DHX57: variants seen among roughly 807,000 people sequenced by gnomAD.
The protein encoded by DHX57 is DExH-box helicase 57.
A neutral mutation model predicts 156.2 loss-of-function variants in DHX57; 105 were observed. The observed-to-expected ratio is 0.67, with a 90% CI of 0.57 to 0.79. The LOEUF is 0.79. Ranked by LOEUF, DHX57 falls within the 30% of genes least tolerant of loss-of-function variation. The pLI is 0.00. For synonymous variants in DHX57, 704 were observed against 595.6 expected, an observed-to-expected ratio of 1.18 and a Z score of -2.65; for missense variants, 1,847 against 1,661.9, an observed-to-expected ratio of 1.11 and a Z score of -1.94.
At chr2:38,819,303 T>C (rs747426145) in intron 17 of DHX57, among the ~76,000 whole-genome samples, 159 bp from the exon 18 acceptor site, 1 of 152,158 alleles carries the variant, frequency 6.6e-6, no homozygotes, top group Non-Finnish European at 1.5e-5. Flanking sequence ...GCCTCCCTGG[T>C]AGCTGGGACT....
intron 7 of DHX57, among the ~76,000 whole-genome samples, chr2:38,855,585 T>G (rs554599907): frequency 3.9e-5 from 6 of 152,166 alleles, no homozygotes; most frequent in Non-Finnish European, 7.3e-5. Flanking sequence ...CTTATGATTA[T>G]CAAAATATTT....
rs78657032 is a variant in DHX57 at position 38,860,473 on chromosome 2, T to C, written c.1411+526A>G. ...TTAAAAAAATAAAAATAAAAAGAATTTGCACAGTAAACCTAGATCTAGACA... is the reference window on the plus strand; with the variant it reads ...TTAAAAAAATAAAAATAAAAAGAATCTGCACAGTAAACCTAGATCTAGACA... On this transcript the variant is annotated intron_variant, in intron 5 of 23. Coordinates refer to ENST00000457308, the MANE Select transcript of DHX57 (RefSeq NM_198963.3). Among the ~76,000 whole-genome samples the C allele has an allele frequency of 3.0e-3, 461 of 151,808 alleles. 4 individuals carry two copies. The highest frequency in any genetic ancestry group is 0.01 in the Middle Eastern group (3 of 292).
chr2:38,836,303 C>G (rs186554350), intron 13 of DHX57, among the ~76,000 whole-genome samples: 7 of 152,120 alleles, frequency 4.6e-5, no homozygotes, highest in Non-Finnish European at 7.4e-5. Context: ...CTCTGCCACC[C>G]GAGACAGCAA....
chr2:38,825,541 G>A (rs1671044765), intron 16 of DHX57, among the ~76,000 whole-genome samples: 1 of 152,118 alleles, frequency 6.6e-6, no homozygotes, highest in Admixed American at 6.6e-5. Flanking sequence ...GACCTCAGGT[G>A]ATCCACCTGC....
At chr2:38,857,216 C>T (rs1372654212) in intron 6 of DHX57, 1 of 153,238 alleles carries the variant, frequency 6.5e-6, no homozygotes, top group East Asian at 1.9e-4. Context: ...AACAGCCAAA[C>T]ATGGGTAGGG....
At chr2:38,829,715 G>C (rs1433848287) in intron 13 of DHX57, among the ~76,000 whole-genome samples, 1 of 152,080 alleles carries the variant, frequency 6.6e-6, no homozygotes, top group Admixed American at 6.6e-5. Flanking sequence ...CACCACACCT[G>C]ACCTTGACAT....
In DHX57 at chr2:38,807,945, C is replaced by CTTTT. The variant is rs34221239; in HGVS notation, c.3682-1256_3682-1253dup. On this transcript the variant is annotated intron_variant, in intron 21 of 23. Transcript: ENST00000457308. ...ACAGGCGTGAGCCACTGTGTCTTGC[C>CTTTT]TTTTTTTTTTTTTTTTTTTTTTTTT... Among the ~76,000 whole-genome samples the CTTTT allele has an allele frequency of 1.8e-4, 10 of 54,254 alleles. 3 individuals carry two copies. The highest frequency in any genetic ancestry group is 8.5e-4 in the East Asian group (1 of 1,178). 35.6% of individuals were successfully genotyped at this position (54,254 alleles called of 152,430 possible).
intron 4 of DHX57, 42 bp from the exon 5 acceptor site, chr2:38,861,879 A>G: frequency 1.3e-6 from 2 of 1,525,990 alleles, no homozygotes; most frequent in Non-Finnish European, 1.8e-6. Context: ...CATAAAAAGC[A>G]GTATCACACC....
intron 13 of DHX57, among the ~76,000 whole-genome samples, chr2:38,833,501 C>G (rs113773574): frequency 9.9e-5 from 15 of 152,030 alleles, no homozygotes; most frequent in Admixed American, 7.2e-4. Context: ...ATAGGGTGGT[C>G]TGTAGAGGTA....
intron 13 of DHX57, 98 bp downstream of exon 13, chr2:38,837,733 G>C: frequency 1.3e-6 from 1 of 742,308 alleles, no homozygotes; most frequent in Non-Finnish European, 2.4e-6. Context: ...CCTGTGTGCA[G>C]AGTCTGCATG....
chr2:38,810,263 C>T (rs1670173284), intron 21 of DHX57, among the ~76,000 whole-genome samples: 3 of 151,408 alleles, frequency 2.0e-5, no homozygotes, highest in South Asian at 4.2e-4. Context: ...CCTCACCCTT[C>T]CCTTTGATGA....
At chr2:38,836,946 A>T (rs1017350066) in intron 13 of DHX57, among the ~76,000 whole-genome samples, 6 of 151,958 alleles carry the variant, frequency 3.9e-5, no homozygotes, top group African/African-American at 1.2e-4. Context: ...TCCACCTCTC[A>T]GGCTAAGGCA....
In DHX57 at chr2:38,822,983, G is replaced by A; in HGVS notation, c.3291+10C>T. On this transcript the variant is annotated intron_variant, in intron 17 of 23. Coordinates refer to ENST00000457308, the MANE Select transcript of DHX57 (RefSeq NM_198963.3). ...AGAGACTCCAGTTTAGATGAATGTTGTTTACTTACAAACGGAGACTTAAAA... is the reference window on the plus strand; with the variant it reads ...AGAGACTCCAGTTTAGATGAATGTTATTTACTTACAAACGGAGACTTAAAA... 6.2e-7 allele frequency: 1 copy of A among 1,613,166 alleles called. No homozygotes were observed. The highest frequency in any genetic ancestry group is 8.5e-7 in the Non-Finnish European group (1 of 1,179,456).
intron 2 of DHX57, among the ~76,000 whole-genome samples, chr2:38,865,243 A>G (rs1310524225): frequency 6.6e-6 from 1 of 151,720 alleles, no homozygotes; most frequent in Non-Finnish European, 1.5e-5. Context: ...TAATCCCCAC[A>G]TGTTATGGGA....
intron 2 of DHX57, among the ~76,000 whole-genome samples, chr2:38,866,458 G>C (rs931559806): frequency 6.6e-6 from 1 of 152,064 alleles, no homozygotes; most frequent in Non-Finnish European, 1.5e-5. Context: ...ACCTTATTAG[G>C]GGGGCTTTCT....
chr2:38,832,688 G>A (rs1167749707), intron 13 of DHX57, among the ~76,000 whole-genome samples: 1 of 151,608 alleles, frequency 6.6e-6, no homozygotes, highest in Non-Finnish European at 1.5e-5. Flanking sequence ...TGGGATTACA[G>A]GTGCCCATCA....
At chr2:38,819,281 C>A in intron 17 of DHX57, 137 bp from the exon 18 acceptor site, 2 of 752,250 alleles carry the variant, frequency 2.7e-6, no homozygotes, top group South Asian at 3.6e-5. Context: ...CTTAAGCAAT[C>A]CTCCTGCCTC....
At chr2:38,828,265 G>T in intron 14 of DHX57, 75 bp downstream of exon 14, 1 of 1,108,188 alleles carries the variant, frequency 9.0e-7, no homozygotes, top group Non-Finnish European at 1.3e-6. Context: ...GCTCTTCCAG[G>T]GTCTAAAGAG....
At chr2:38,828,750 C>T (rs1671236469) in intron 13 of DHX57, among the ~76,000 whole-genome samples, 1 of 151,250 alleles carries the variant, frequency 6.6e-6, no homozygotes. Flanking sequence ...GAAATTTTCA[C>T]TATCAGTTTT....
Sources: gnomAD v4.1 joint callset for allele counts (sites outside exome capture counted in the v4.1 genomes callset) on GRCh38, gnomAD v4.1.1 for gene constraint, MANE v1.5 for transcripts, NCBI Gene and HGNC (gene_info 2026-07-23, HGNC 2026-07-21) for gene names.